The following FSCN2 variants were observed in gnomAD, a reference collection of about 807,000 sequenced individuals.
The protein encoded by FSCN2 is fascin-2.
In FSCN2, 46 loss-of-function variants were observed where a neutral mutation model predicts 37.8. The observed-to-expected ratio is 1.22, with a 90% CI of 0.96 to 1.56. FSCN2 has a LOEUF of 1.56. Ranked by LOEUF, FSCN2 falls within the 40% of genes most tolerant of loss-of-function variation. The pLI, the probability that FSCN2 is intolerant of heterozygous loss-of-function variation, is 0.00. For synonymous variants in FSCN2, 351 were observed against 309.4 expected, an observed-to-expected ratio of 1.13 and a Z score of -1.41; for missense variants, 844 against 730.4, an observed-to-expected ratio of 1.16 and a Z score of -1.79.
At chr17:81,520,839 C>T in the FSCN2 span, among the ~76,000 whole-genome samples, 15 of 152,192 alleles carry the variant, frequency 9.9e-5, no homozygotes, top group African/African-American at 3.1e-4. Context: ...CCTGTTCTTG[C>T]TAATTTGCTT....
At chr17:81,529,400 C>T (rs782117777) in intron 1 of FSCN2, 43 bp downstream of exon 1, 4 of 1,429,064 alleles carry the variant, frequency 2.8e-6, no homozygotes, top group African/African-American at 1.4e-5. Flanking sequence ...GGTGCTGGGA[C>T]CCCCCTGCTT....
chr17:81,519,948 G>A, the FSCN2 span, among the ~76,000 whole-genome samples: 3 of 152,344 alleles, frequency 2.0e-5, no homozygotes, highest in Admixed American at 2.0e-4. Context: ...AGGAAAGGAA[G>A]GGGCTGAGAG....
chr17:81,532,212 GTGATGGTGATGATGATAA>G (rs2032684940), intron 1 of FSCN2, among the ~76,000 whole-genome samples: 1 of 133,434 alleles, frequency 7.5e-6, no homozygotes, highest in African/African-American at 3.0e-5. Flanking sequence ...GGTGATGATA[GTGATGGTGATGATGATAA>G]TGGTGATGAT....
intron 1 of FSCN2, among the ~76,000 whole-genome samples, chr17:81,531,538 T>TGATGGC (rs1568077593): frequency 2.6e-4 from 38 of 144,954 alleles, no homozygotes; most frequent in African/African-American, 8.5e-4. Context: ...GCGATGGTGG[T>TGATGGC]GATGATGGTG....
At chr17:81,532,167 ATGGTGGTGGTGATGGTGG>A (rs2032680773) in intron 1 of FSCN2, among the ~76,000 whole-genome samples, 4 of 121,428 alleles carry the variant, frequency 3.3e-5, no homozygotes, top group Non-Finnish European at 6.8e-5. Flanking sequence ...GATGATGGTG[ATGGTGGTGGTGATGGTGG>A]TGGTGATGGT....
At chr17:81,515,464 A>T in the FSCN2 span, among the ~76,000 whole-genome samples, 1 of 152,024 alleles carries the variant, frequency 6.6e-6, no homozygotes, top group African/African-American at 2.4e-5. Flanking sequence ...AAGCGATGTG[A>T]TTTTTCTTTT....
chr17:81,536,119 G>A, intron 2 of FSCN2, 27 bp from the exon 3 acceptor site: 1 of 1,603,044 alleles, frequency 6.2e-7, no homozygotes, highest in East Asian at 2.2e-5. Flanking sequence ...CTGCTGTCCT[G>A]AGGAGACCTT....
At chr17:81,524,204 C>T (rs191830846), upstream of FSCN2, among the ~76,000 whole-genome samples, 284 of 152,332 alleles carry the variant, frequency 1.9e-3, 5 homozygotes, top group African/African-American at 6.3e-3. Flanking sequence ...CAGCTGGCCC[C>T]GCACTGAGAG....
intron 2 of FSCN2, 24 bp from the exon 3 acceptor site, chr17:81,536,122 G>GAGAC: frequency 6.2e-7 from 1 of 1,603,788 alleles, no homozygotes; most frequent in Non-Finnish European, 8.5e-7. Flanking sequence ...CTGTCCTGAG[G>GAGAC]AGACCTTTTG....
chr17:81,523,327 C>G, the FSCN2 span, among the ~76,000 whole-genome samples: 3 of 152,244 alleles, frequency 2.0e-5, no homozygotes, highest in African/African-American at 7.2e-5. Context: ...GCCGATGGAG[C>G]CTGTCACCCT....
chr17:81,529,329 C>T lies in FSCN2; in HGVS notation c.798C>T (p.Ala266=), dbSNP rs1369855484. ...ACCCACAGGTGGTGCTGGTGGCTGC[C>T]AACCACCGCTACGTCTCTGTGCGGC... The part of the protein sequence containing the change: ...ESHPQVVLVA[A]NHRYVSVRQG... Residue 266 remains alanine, a synonymous_variant, in exon 1 of 5, where the codon GCC becomes GCT. Coordinates refer to ENST00000417245, the MANE Select transcript of FSCN2 (RefSeq NM_012418.4). The T allele has an allele frequency of 1.5e-5, 23 of 1,555,122 alleles. No individual in the cohort carries two copies. Among genetic ancestry groups the T allele is most frequent in the Non-Finnish European group, 2.0e-5 (23 of 1,148,790 alleles).
upstream of FSCN2, chr17:81,527,445 C>T (rs1343367918): frequency 1.3e-5 from 2 of 152,596 alleles, no homozygotes; most frequent in African/African-American, 4.8e-5. Context: ...TGAGCAGGGC[C>T]CAGTGCCCCT....
intron 1 of FSCN2, chr17:81,530,205 G>T (rs2032504776): frequency 3.6e-6 from 1 of 275,856 alleles, no homozygotes; most frequent in Non-Finnish European, 7.2e-6. Context: ...TGCCTGACCA[G>T]TGGAGCCTCG....
At chr17:81,522,027 T>A in the FSCN2 span, among the ~76,000 whole-genome samples, 1 of 151,962 alleles carries the variant, frequency 6.6e-6, no homozygotes, top group Non-Finnish European at 1.5e-5. Context: ...TGAAACGGAG[T>A]CTCACTCTGC....
At chr17:81,528,142 G>T (rs538062357), upstream of FSCN2, among the ~76,000 whole-genome samples, 3 of 152,338 alleles carry the variant, frequency 2.0e-5, no homozygotes, top group South Asian at 6.2e-4. Flanking sequence ...GCAGGGCCGT[G>T]AAGAGGGGCG....
At chr17:81,528,297 A>G (rs1187752699), upstream of FSCN2, 10 of 559,664 alleles carry the variant, frequency 1.8e-5, no homozygotes, top group Admixed American at 1.5e-4. Flanking sequence ...CCTAAGCCGC[A>G]CGTCTCTGAT....
intron 2 of FSCN2, among the ~76,000 whole-genome samples, 190 bp downstream of exon 2, chr17:81,535,398 A>C (rs1160504443): frequency 3.7e-5 from 5 of 134,432 alleles, no homozygotes; most frequent in African/African-American, 9.7e-5. Flanking sequence ...CATCCCCATC[A>C]TCACCATCCC....
chr17:81,528,059 G>A (rs1555670378), upstream of FSCN2, among the ~76,000 whole-genome samples: 1 of 152,018 alleles, frequency 6.6e-6, no homozygotes, highest in Non-Finnish European at 1.5e-5. Flanking sequence ...CATCCGGAAG[G>A]GCTGGGCCGG....
At chr17:81,526,810 G>A (rs111454273), upstream of FSCN2, among the ~76,000 whole-genome samples, 22 of 152,338 alleles carry the variant, frequency 1.4e-4, no homozygotes, top group African/African-American at 4.6e-4. Context: ...CCCAGACTGC[G>A]TCTCCCCAGG....
Sources: gnomAD v4.1 joint callset for allele counts (sites outside exome capture counted in the v4.1 genomes callset) on GRCh38, gnomAD v4.1.1 for gene constraint, MANE v1.5 for transcripts, NCBI Gene and HGNC (gene_info 2026-07-23, HGNC 2026-07-21) for gene names.